ITGA11: variants seen among roughly 807,000 people sequenced by gnomAD.
ITGA11 encodes the protein integrin subunit alpha 11.
In ITGA11, 97 loss-of-function variants were observed where a neutral mutation model predicts 141.9. That is an observed-to-expected ratio of 0.68 (90% CI 0.58 to 0.81). ITGA11 has a LOEUF of 0.81. ITGA11 is among the 30% of genes least tolerant of loss of function. ITGA11 has a pLI of 0.00. For missense variants in ITGA11, 1,387 were observed against 1,559.2 expected, an observed-to-expected ratio of 0.89 and a Z score of 1.86; for synonymous variants, 658 against 624.6, an observed-to-expected ratio of 1.05 and a Z score of -0.80.
intron 1 of ITGA11, 125 bp downstream of exon 1, chr15:68,431,890 C>T: frequency 1.6e-6 from 1 of 628,416 alleles, no homozygotes; most frequent in Non-Finnish European, 2.4e-6. Flanking sequence ...ACCCACGTCC[C>T]CAAGAGCAGC....
intron 1 of ITGA11, among the ~76,000 whole-genome samples, chr15:68,409,191 T>TC (rs561891540): frequency 1.3e-4 from 20 of 152,304 alleles, no homozygotes; most frequent in Admixed American, 9.8e-4. Flanking sequence ...TGATGACACC[T>TC]CTGCTGCAAA....
chr15:68,408,607 AC>A (rs1896700450), intron 1 of ITGA11, among the ~76,000 whole-genome samples: 1 of 151,870 alleles, frequency 6.6e-6, no homozygotes, highest in African/African-American at 2.4e-5. Flanking sequence ...AGAGAGAAGG[AC>A]CCTGTGGGCT....
chr15:68,382,220 T>C (rs952276282), intron 2 of ITGA11, among the ~76,000 whole-genome samples: 5 of 152,212 alleles, frequency 3.3e-5, no homozygotes, highest in African/African-American at 1.2e-4. Flanking sequence ...CATTACATTT[T>C]TGGAAATGTC....
intron 10 of ITGA11, among the ~76,000 whole-genome samples, chr15:68,341,138 T>C (rs1894555783): frequency 6.6e-6 from 1 of 151,922 alleles, no homozygotes; most frequent in South Asian, 2.1e-4. Context: ...GACAGAATGT[T>C]TTTACAGCTA....
chr15:68,417,775 T>G (rs1896921511), intron 1 of ITGA11, among the ~76,000 whole-genome samples: 1 of 152,260 alleles, frequency 6.6e-6, no homozygotes, highest in Admixed American at 6.5e-5. Flanking sequence ...GGAACATTCT[T>G]CCCCAAGAAC....
intron 2 of ITGA11, among the ~76,000 whole-genome samples, chr15:68,400,916 ATAT>A (rs1375729135): frequency 6.4e-5 from 3 of 46,756 alleles, no homozygotes; most frequent in African/African-American, 2.3e-4. Flanking sequence ...TATATAATAA[ATAT>A]TATAATATTA....
Position 68,357,139 on chromosome 15 carries a change from C to T in ITGA11, c.749+12G>A. The T allele has an allele frequency of 1.3e-6, 2 of 1,565,690 alleles. No individual in the cohort carries two copies. Among genetic ancestry groups the T allele is most frequent in the Admixed American group, 1.8e-5 (1 of 55,194 alleles). ...ATCTAAAAAAATTTTTTTTGTTCTA[C>T]TTTTTTTTTACCGTGCAAATTCAAT... On this transcript the variant is annotated intron_variant, in intron 7 of 29. Transcript: ENST00000315757.
At chr15:68,419,673 C>T (rs1896970987) in intron 1 of ITGA11, among the ~76,000 whole-genome samples, 1 of 152,200 alleles carries the variant, frequency 6.6e-6, no homozygotes, top group Non-Finnish European at 1.5e-5. Flanking sequence ...CCCTAAAGGG[C>T]TTTTAGAAAC....
chr15:68,358,151 C>T (rs1005516591), intron 6 of ITGA11, among the ~76,000 whole-genome samples: 5 of 152,326 alleles, frequency 3.3e-5, no homozygotes, highest in African/African-American at 1.2e-4. Flanking sequence ...CCCCACTCGA[C>T]AGGGCTCTAG....
Position 68,300,031 on chromosome 15 carries a change from C to T in ITGA11, c.*3028G>A, listed in dbSNP as rs1173263559. On this transcript the variant is annotated 3_prime_UTR_variant, in exon 30 of 30. Coordinates refer to ENST00000315757, the MANE Select transcript of ITGA11 (RefSeq NM_001004439.2). ...GATAGTCCCCAGCACAGTTGAAGGG[C>T]ATCTAAAGACAGGCCTGACAGTTTA... 1 of 152,190 alleles carries T rather than the reference C, an allele frequency of 6.6e-6. No individual in the cohort carries two copies. Among genetic ancestry groups the T allele is most frequent in the African/African-American group, 2.4e-5 (1 of 41,442 alleles). 9.4% of individuals were successfully genotyped at this position (152,190 alleles called of 1,614,324 possible). A position where few individuals can be genotyped will look rare whatever the true frequency, so the allele number is the denominator to read the frequency against.
chr15:68,348,479 A>G (rs182038953), intron 10 of ITGA11, among the ~76,000 whole-genome samples: 1 of 152,340 alleles, frequency 6.6e-6, no homozygotes, highest in Admixed American at 6.5e-5. Flanking sequence ...CCCGCGCCTC[A>G]CAGGTGAAAT....
intron 2 of ITGA11, among the ~76,000 whole-genome samples, chr15:68,391,243 C>T (rs186337413): frequency 2.0e-5 from 3 of 152,274 alleles, no homozygotes; most frequent in Non-Finnish European, 4.4e-5. Context: ...TCTCTCAGCT[C>T]GGCTGTGGCA....
chr15:68,410,346 G>C (rs1015287021), intron 1 of ITGA11, among the ~76,000 whole-genome samples: 1 of 152,184 alleles, frequency 6.6e-6, no homozygotes, highest in Admixed American at 6.5e-5. Flanking sequence ...GCTGGGATGG[G>C]GTGAGGGAGG....
intron 2 of ITGA11, 38 bp from the exon 3 acceptor site, chr15:68,369,322 A>G: frequency 8.1e-7 from 1 of 1,228,826 alleles, no homozygotes; most frequent in Non-Finnish European, 1.1e-6. Context: ...ACATTGGGGG[A>G]GGTACTCTTT....
In ITGA11 at chr15:68,351,368, C is replaced by T. The variant is rs201834970; in HGVS notation, c.784G>A (p.Ala262Thr). ...GTGATGACAATCATCACCTTCTTGG[C>T]TCCTTTCCTTCCACCCTTCTGGAAA... ...EAFQKGGRKG[A>T]KKVMIVITDG... The change falls in exon 8 of 30, where the codon GCC becomes ACC. Residue 262 changes from alanine to threonine, a missense_variant. Coordinates refer to ENST00000315757, the MANE Select transcript of ITGA11 (RefSeq NM_001004439.2). 1 of 1,614,004 alleles carries T rather than the reference C, an allele frequency of 6.2e-7. No individual in the cohort carries two copies. The highest frequency in any genetic ancestry group is 1.3e-5 in the African/African-American group (1 of 75,058).
intron 1 of ITGA11, among the ~76,000 whole-genome samples, chr15:68,414,589 C>T (rs532668474): frequency 1.3e-3 from 200 of 152,272 alleles, no homozygotes; most frequent in Non-Finnish European, 2.5e-3. Flanking sequence ...CAAACATTTC[C>T]AGTACTGAGG....
chr15:68,305,554 G>A lies in ITGA11; in HGVS notation c.3382-1669C>T, dbSNP rs1893164351. The stretch of plus-strand genomic sequence containing the variant: ...TGGACCACCTGCAACAGCAGACAGA[G>A]CCATGTGGAGTGAATGGACCACCTG... On this transcript the variant is annotated intron_variant, in intron 28 of 29. Transcript: ENST00000315757. The surrounding 1 kb of genome is among the most constrained non-coding windows in gnomAD (Gnocchi z 4.6). Among the ~76,000 whole-genome samples the A allele has an allele frequency of 6.6e-6, 1 of 152,160 alleles. No individual in the cohort carries two copies. The highest frequency in any genetic ancestry group is 2.4e-5 in the African/African-American group (1 of 41,418).
At chr15:68,330,863 G>T in intron 15 of ITGA11, 118 bp downstream of exon 15, 2 of 1,143,130 alleles carry the variant, frequency 1.7e-6, no homozygotes, top group South Asian at 1.5e-5. Context: ...AACAGGGTGG[G>T]TCTAGCTGAG....
At position 68,297,511 on chromosome 15, in the gene ITGA11, TTTTG is replaced by T. The variant is rs1892935749; in HGVS notation, c.*5544_*5547del. 2 of 119,984 alleles carry T rather than the reference TTTTG, an allele frequency of 1.7e-5. No homozygotes were observed. Among genetic ancestry groups the T allele is most frequent in the East Asian group, 2.0e-4 (1 of 5,032 alleles). The allele number at this position is 119,984 out of a possible 1,614,324, so 7.4% of individuals were successfully genotyped here. A position where few individuals can be genotyped will look rare whatever the true frequency, so the allele number is the denominator to read the frequency against. ...TCATACACCTGTATCCAGAGTTTTG[TTTTG>T]TTTTTTTTTTTAGGTTTTTCTTTTT... On this transcript the variant is annotated 3_prime_UTR_variant, in exon 30 of 30. Coordinates refer to ENST00000315757, the MANE Select transcript of ITGA11 (RefSeq NM_001004439.2).
Sources: gnomAD v4.1 joint callset for allele counts (sites outside exome capture counted in the v4.1 genomes callset) on GRCh38, gnomAD v4.1.1 for gene constraint, Gnocchi (gnomAD v3.1) non-coding constraint, MANE v1.5 for transcripts, NCBI Gene and HGNC (gene_info 2026-07-23, HGNC 2026-07-21) for gene names.